The following LITAF variants were observed in gnomAD, a reference collection of about 807,000 sequenced individuals.
LITAF encodes lipopolysaccharide-induced tumor necrosis factor-alpha factor.
A neutral mutation model predicts 14.5 loss-of-function variants in LITAF; 9 were observed. The observed-to-expected ratio is 0.62, with a 90% CI of 0.37 to 1.08. The LOEUF is 1.08. Among genes scored for constraint, LITAF ranks in the 50% least tolerant of loss-of-function variants. LITAF has a pLI of 0.01. For synonymous variants in LITAF, 98 were observed against 88.2 expected (o/e 1.11, Z -0.62); for missense variants, 206 against 213.4 (o/e 0.97, Z 0.22).
chr16:11,602,693 G>C (rs2064934819), upstream of LITAF, among the ~76,000 whole-genome samples: 1 of 142,160 alleles, frequency 7.0e-6, no homozygotes, highest in African/African-American at 2.6e-5. Flanking sequence ...TTACACTTGT[G>C]TTTTATTTCT....
chr16:11,570,511 G>A (rs999142494), intron 1 of LITAF, among the ~76,000 whole-genome samples: 3 of 152,070 alleles, frequency 2.0e-5, no homozygotes, highest in Non-Finnish European at 4.4e-5. Context: ...ACCCCTACCC[G>A]CAGTGTGGGC....
intron 1 of LITAF, among the ~76,000 whole-genome samples, chr16:11,578,546 C>G (rs8045804): frequency 0.93 from 142,364 of 152,280 alleles, 66,691 homozygotes; most frequent in East Asian, 1. Context: ...AAGGGAAAGA[C>G]AGTAAACTAC....
chr16:11,621,905 T>C (rs1039891498), intron 3 of LITAF, among the ~76,000 whole-genome samples: 1 of 152,102 alleles, frequency 6.6e-6, no homozygotes, highest in African/African-American at 2.4e-5. Flanking sequence ...CTGCAGCCCA[T>C]TTCTTCTGGG....
At chr16:11,626,942 A>T (rs1051066154) in intron 3 of LITAF, among the ~76,000 whole-genome samples, 12 of 151,978 alleles carry the variant, frequency 7.9e-5, no homozygotes, top group African/African-American at 2.9e-4. Flanking sequence ...TCCCGGGCTC[A>T]GGTGATCCTC....
Position 11,553,433 on chromosome 16 carries a change from T to C in LITAF, c.377+100A>G. The C allele has an allele frequency of 7.9e-7, 1 of 1,273,446 alleles. No individual in the cohort carries two copies. Among genetic ancestry groups the C allele is most frequent in the South Asian group, 1.3e-5 (1 of 79,528 alleles). The allele number at this position is 1,273,446 out of a possible 1,614,324, so 78.9% of individuals were successfully genotyped here. A position where few individuals can be genotyped will look rare whatever the true frequency, so the allele number is the denominator to read the frequency against. On this transcript the variant is annotated intron_variant, in intron 3 of 3. Transcript: ENST00000622633. This position sits in a 1 kb window ranked among gnomAD's most constrained non-coding sequence, Gnocchi z 7.7. The stretch of plus-strand genomic sequence containing the variant: ...CTCAAAAAAAAACAACACAAATGTC[T>C]GGCCCTGAATGTCAAGCATGGTGCA...
chr16:11,602,186 G>C (rs758958623), upstream of LITAF, among the ~76,000 whole-genome samples: 8 of 152,060 alleles, frequency 5.3e-5, no homozygotes, highest in Admixed American at 1.3e-4. Context: ...GTGAAACCCT[G>C]TCTCTACCAA....
At chr16:11,598,969 G>A (rs1167747793), upstream of LITAF, among the ~76,000 whole-genome samples, 1 of 147,762 alleles carries the variant, frequency 6.8e-6, no homozygotes, top group Non-Finnish European at 1.5e-5. Context: ...ACAGGCACCC[G>A]CCACCACTTC....
intron 3 of LITAF, among the ~76,000 whole-genome samples, chr16:11,619,341 C>A (rs1370134906): frequency 6.6e-6 from 1 of 151,858 alleles, no homozygotes; most frequent in Non-Finnish European, 1.5e-5. Flanking sequence ...AAAACCCCAG[C>A]ACTGCTGGGC....
At chr16:11,575,926 G>T (rs1362136205) in intron 1 of LITAF, among the ~76,000 whole-genome samples, 2 of 152,162 alleles carry the variant, frequency 1.3e-5, no homozygotes, top group Non-Finnish European at 2.9e-5. Flanking sequence ...TGTTGCCAAG[G>T]CTGCAGTGCA....
intron 3 of LITAF, among the ~76,000 whole-genome samples, chr16:11,612,470 C>A (rs2064987826): frequency 6.6e-6 from 1 of 152,248 alleles, no homozygotes; most frequent in Admixed American, 6.5e-5. Context: ...GGGCAACTCC[C>A]AGCAGGTTTC....
chr16:11,556,689 G>A lies in LITAF; in HGVS notation c.42C>T (p.Ser14=), dbSNP rs1365342011. ...PGPYQAATGP[S]SAPSAPPSYE... ...AGGATGGAGGTGCGGATGGTGCTGA[G>A]GAAGGCCCAGTGGCCGCCTGGTAAG... The change falls in exon 2 of 4, where the codon TCC becomes TCT. Residue 14 remains serine (S), a synonymous_variant. Transcript: ENST00000622633. 2 of 1,614,064 alleles carry A rather than the reference G, an allele frequency of 1.2e-6. No homozygotes were observed. Among genetic ancestry groups the A allele is most frequent in the Non-Finnish European group, 1.7e-6 (2 of 1,180,050 alleles).
intron 3 of LITAF, among the ~76,000 whole-genome samples, chr16:11,611,115 G>A (rs1024937896): frequency 2.6e-5 from 4 of 152,226 alleles, no homozygotes; most frequent in African/African-American, 9.6e-5. Flanking sequence ...TTGGGAGGCT[G>A]AAGCAGGAGG....
chr16:11,604,618 G>A (rs2064945036), intron 3 of LITAF, among the ~76,000 whole-genome samples: 1 of 145,122 alleles, frequency 6.9e-6, no homozygotes, highest in African/African-American at 2.6e-5. Context: ...ACCAGCCTGG[G>A]CAACACAGCA....
chr16:11,565,670 G>A (rs551441013), intron 1 of LITAF, among the ~76,000 whole-genome samples: 3 of 152,146 alleles, frequency 2.0e-5, no homozygotes, highest in African/African-American at 7.2e-5. Context: ...GGACTGAGAA[G>A]ATTCCCAGGA....
chr16:11,597,443 C>T (rs1284103504), intron 1 of LITAF, among the ~76,000 whole-genome samples: 5 of 152,146 alleles, frequency 3.3e-5, no homozygotes. Context: ...CACCAGACTC[C>T]TCTCTCCCAG....
At chr16:11,568,617 T>C (rs140403432) in intron 1 of LITAF, among the ~76,000 whole-genome samples, 181 of 151,268 alleles carry the variant, frequency 1.2e-3, no homozygotes, top group African/African-American at 4.2e-3. Flanking sequence ...ATCGAGTTGC[T>C]ACCGTGTAAG....
At chr16:11,596,399 A>G (rs1028258988) in intron 1 of LITAF, among the ~76,000 whole-genome samples, 5 of 146,674 alleles carry the variant, frequency 3.4e-5, no homozygotes, top group Non-Finnish European at 7.4e-5. Context: ...TCTATTTAAC[A>G]AAACATACCC....
intron 3 of LITAF, among the ~76,000 whole-genome samples, chr16:11,618,809 C>G (rs979832490): frequency 1.3e-5 from 2 of 151,788 alleles, no homozygotes; most frequent in African/African-American, 4.8e-5. Flanking sequence ...ATGGTGAAAC[C>G]CTGTCTCTAC....
At chr16:11,611,982 G>A (rs926022783) in intron 3 of LITAF, among the ~76,000 whole-genome samples, 5 of 152,136 alleles carry the variant, frequency 3.3e-5, no homozygotes, top group African/African-American at 1.2e-4. Flanking sequence ...TTCGACTGTT[G>A]TGGGGTCCCA....
Sources: gnomAD v4.1 joint callset for allele counts (sites outside exome capture counted in the v4.1 genomes callset) on GRCh38, gnomAD v4.1.1 for gene constraint, Gnocchi (gnomAD v3.1) non-coding constraint, MANE v1.5 for transcripts, NCBI Gene and HGNC (gene_info 2026-07-23, HGNC 2026-07-21) for gene names.